POLR2C: variants seen among roughly 807,000 people sequenced by gnomAD.
The protein encoded by POLR2C is DNA-directed RNA polymerase II subunit RPB3.
Under a neutral mutation model 41.7 loss-of-function variants are expected in POLR2C, and 36 were observed. The observed-to-expected ratio is 0.86, with a 90% CI of 0.66 to 1.14. POLR2C has a LOEUF of 1.14. Among genes scored for constraint, POLR2C ranks in the 50% most tolerant of loss-of-function variants. POLR2C has a pLI of 0.00. For missense variants in POLR2C, 260 were observed against 350.4 expected, an observed-to-expected ratio of 0.74 and a Z score of 2.06; for synonymous variants, 133 against 137.8, an observed-to-expected ratio of 0.96 and a Z score of 0.25.
rs1191701586 is a variant in POLR2C at position 57,470,312 on chromosome 16, A to G, written c.641A>G (p.Asp214Gly). The G allele has an allele frequency of 1.9e-6, 3 of 1,612,820 alleles. No homozygotes were observed. Among genetic ancestry groups the G allele is most frequent in the Non-Finnish European group, 8.5e-7 (1 of 1,179,422 alleles). Residue 214 changes from aspartate to glycine, a missense_variant, in exon 8 of 9, where the codon GAT becomes GGT. Transcript: ENST00000219252. ...AGTGAGTACTCGGAGCTGGATGAGG[A>G]TGAGTCGCAGGCTCCCTATGACCCC... ...PKSEYSELDEDESQAPYDPNG... is the reference protein window; with the variant it reads ...PKSEYSELDEGESQAPYDPNG...
chr16:57,470,281 C>A lies in POLR2C; in HGVS notation c.610C>A (p.Pro204Thr). ...GTGCTGACCTGTGTTTGACCTCAGG[C>A]CAAAGAGTGAGTACTCGGAGCTGGA... The part of the protein sequence containing the change: ...HTVYPKPEEW[P>T]KSEYSELDED... Residue 204 changes from proline to threonine, a missense_variant and splice_region_variant, in exon 8 of 9, where the codon CCA (proline) becomes ACA (threonine). Pro to Thr is a conservative substitution (Grantham distance 38, BLOSUM62 -1). Coordinates refer to ENST00000219252, the MANE Select transcript of POLR2C (RefSeq NM_032940.3). 1 of 1,613,064 alleles carries A rather than the reference C, an allele frequency of 6.2e-7. No homozygotes were observed. Among genetic ancestry groups the A allele is most frequent in the Non-Finnish European group, 8.5e-7 (1 of 1,179,350 alleles).
chr16:57,469,405 C>T lies in POLR2C; in HGVS notation c.387+112C>T, dbSNP rs2030776131. On this transcript the variant is annotated intron_variant, in intron 5 of 8. Transcript: ENST00000219252. This position sits in a 1 kb window ranked among gnomAD's most constrained non-coding sequence, Gnocchi z 5.8. The stretch of plus-strand genomic sequence containing the variant: ...AGAAAATGTTGGCTTTCCCTGTTAC[C>T]CTCTGCCTTAATCTGATCCCTAGAA... 1 of 1,202,362 alleles carries T rather than the reference C, an allele frequency of 8.3e-7. No individual in the cohort carries two copies. Among genetic ancestry groups the T allele is most frequent in the African/African-American group, 1.5e-5 (1 of 66,328 alleles). 74.5% of individuals were successfully genotyped at this position (1,202,362 alleles called of 1,614,324 possible). A position where few individuals can be genotyped will look rare whatever the true frequency, so the allele number is the denominator to read the frequency against.
Position 57,462,744 on chromosome 16 carries a change from C to T in POLR2C, c.20C>T (p.Pro7Leu). ...GGCGAGATGCCGTACGCCAACCAGC[C>T]TACCGTGCGGATCACGGAGCTCACT... The part of the protein sequence containing the change: MPYANQ[P>L]TVRITELTDE... The change falls in exon 1 of 9, where the codon CCT (proline) becomes CTT (leucine). Residue 7 changes from proline to leucine, a missense_variant. Coordinates refer to ENST00000219252, the MANE Select transcript of POLR2C (RefSeq NM_032940.3). The T allele has an allele frequency of 1.9e-6, 3 of 1,605,738 alleles. No homozygotes were observed. Among genetic ancestry groups the T allele is most frequent in the Non-Finnish European group, 2.6e-6 (3 of 1,176,164 alleles).
intron 1 of POLR2C, 55 bp from the exon 2 acceptor site, chr16:57,462,974 G>A (rs2030612098): frequency 2.0e-6 from 3 of 1,527,500 alleles, no homozygotes; most frequent in Non-Finnish European, 2.7e-6. Flanking sequence ...TGCGGCGCGG[G>A]CCCAGCCTGT....
At chr16:57,467,494 TTTA>T (rs2146601704) in intron 4 of POLR2C, among the ~76,000 whole-genome samples, 1 of 152,348 alleles carries the variant, frequency 6.6e-6, no homozygotes, top group East Asian at 1.9e-4. Flanking sequence ...TTTTCTAGTA[TTTA>T]TTGCACAAAG....
chr16:57,469,759 A>G lies in POLR2C; in HGVS notation c.437A>G (p.Asp146Gly). 1 of 1,613,690 alleles carries G rather than the reference A, an allele frequency of 6.2e-7. No homozygotes were observed. The highest frequency in any genetic ancestry group is 8.5e-7 in the Non-Finnish European group (1 of 1,179,634). Reference protein sequence around the residue: ...DNDPNDYVEQDDILIVKLRKG... With the variant: ...DNDPNDYVEQGDILIVKLRKG... ...GACCCCAATGACTACGTGGAGCAGG[A>G]TGGTAAGTCTTCCTGACCTGTCACC... Residue 146 changes from aspartate to glycine, a missense_variant and splice_region_variant, in exon 6 of 9, where the codon GAT becomes GGT. Asp to Gly is a moderately conservative substitution (Grantham distance 94). Transcript: ENST00000219252. The surrounding 1 kb of genome is among the most constrained non-coding windows in gnomAD (Gnocchi z 5.8).
intron 2 of POLR2C, among the ~76,000 whole-genome samples, chr16:57,464,256 CATG>C (rs1305773275): frequency 5.9e-5 from 9 of 152,166 alleles, no homozygotes; most frequent in Non-Finnish European, 1.0e-4. Context: ...AAGTGGCAGG[CATG>C]GTGGTAAGCT....
intron 2 of POLR2C, 57 bp downstream of exon 2, chr16:57,463,135 C>G (rs767831658): frequency 7.4e-7 from 1 of 1,343,020 alleles, no homozygotes; most frequent in East Asian, 2.3e-5. Flanking sequence ...CGCTCTCCAC[C>G]CACACACTCT....
At chr16:57,465,778 G>GGT (rs1567583372) in intron 2 of POLR2C, 175 bp from the exon 3 acceptor site, 2 of 596,480 alleles carry the variant, frequency 3.4e-6, no homozygotes, top group East Asian at 2.8e-5. Flanking sequence ...GGTGAGGTGT[G>GGT]GTGTGTGTGG....
intron 2 of POLR2C, chr16:57,463,391 A>G: frequency 2.0e-6 from 1 of 495,734 alleles, no homozygotes; most frequent in Non-Finnish European, 3.7e-6. Flanking sequence ...AATGTTTTCA[A>G]CTTTTATTTT....
intron 7 of POLR2C, 22 bp downstream of exon 7, chr16:57,470,151 T>C: frequency 6.2e-7 from 1 of 1,606,158 alleles, no homozygotes; most frequent in Non-Finnish European, 8.5e-7. Context: ...TTAGGAGTGA[T>C]GGCAGGCATT....
intron 1 of POLR2C, 66 bp from the exon 2 acceptor site, chr16:57,462,963 C>A: frequency 6.8e-7 from 1 of 1,478,310 alleles, no homozygotes; most frequent in Non-Finnish European, 9.4e-7. Flanking sequence ...CTTTGGGAGC[C>A]TGCGGCGCGG....
At chr16:57,467,524 C>G (rs952762246) in intron 4 of POLR2C, among the ~76,000 whole-genome samples, 1 of 149,706 alleles carries the variant, frequency 6.7e-6, no homozygotes, top group African/African-American at 2.4e-5. Context: ...TGGTCTGTCT[C>G]TCTCTCTCTC....
At position 57,469,817 on chromosome 16, in the gene POLR2C, A is replaced by G; in HGVS notation, c.439+56A>G. 6.4e-7 allele frequency: 1 copy of G among 1,574,514 alleles called. No homozygotes were observed. The highest frequency in any genetic ancestry group is 8.7e-7 in the Non-Finnish European group (1 of 1,145,034). ...CCAGCGGGAAGGAGGGACCAGACACAGCCTCTCGTGCTGCCTGGTCTCCTC... is the reference window on the plus strand; with the variant it reads ...CCAGCGGGAAGGAGGGACCAGACACGGCCTCTCGTGCTGCCTGGTCTCCTC... On this transcript the variant is annotated intron_variant, in intron 6 of 8. Transcript: ENST00000219252. The surrounding 1 kb of genome is among the most constrained non-coding windows in gnomAD (Gnocchi z 5.8).
chr16:57,463,695 G>T, intron 2 of POLR2C: 1 of 451,662 alleles, frequency 2.2e-6, no homozygotes, highest in Non-Finnish European at 4.4e-6. Flanking sequence ...TGTAATTCCA[G>T]CACTTTGGGA....
intron 1 of POLR2C, 94 bp downstream of exon 1, chr16:57,462,904 G>A: frequency 8.5e-7 from 1 of 1,174,692 alleles, no homozygotes; most frequent in Non-Finnish European, 1.2e-6. Context: ...AGTGGGGTGG[G>A]GTGGGGGCGA....
Position 57,469,187 on chromosome 16 carries a change from G to A in POLR2C, c.281G>A (p.Cys94Tyr). The A allele has an allele frequency of 6.2e-7, 1 of 1,614,114 alleles. No individual in the cohort carries two copies. The highest frequency in any genetic ancestry group is 8.5e-7 in the Non-Finnish European group (1 of 1,180,006). ...TAGGACTGCACATGTGAGGAGTTCT[G>A]CCCCGAGTGCTCGGTGGAGTTCACC... is the stretch of plus-strand genomic sequence containing the variant. ...YSRDCTCEEF[C>Y]PECSVEFTLD... is the part of the protein sequence containing the mutation. Residue 94 changes from cysteine to tyrosine, a missense_variant, in exon 5 of 9, where the codon TGC becomes TAC. By Grantham distance (194) the Cys-to-Tyr change is radical. Transcript: ENST00000219252. The surrounding 1 kb of genome is among the most constrained non-coding windows in gnomAD (Gnocchi z 5.8).
At chr16:57,463,651 CTT>C (rs1380326217) in intron 2 of POLR2C, 4 of 454,718 alleles carry the variant, frequency 8.8e-6, no homozygotes, top group Non-Finnish European at 8.8e-6. Context: ...TGTTAATTCT[CTT>C]AGGATAATGG....
rs778574106 is a variant in POLR2C, at chr16:57,469,173, A to G, written c.267A>G (p.Thr89=). The change falls in exon 5 of 9, where the codon ACA becomes ACG. Residue 89 remains threonine (T), a synonymous_variant. Transcript: ENST00000219252. The surrounding 1 kb of genome is among the most constrained non-coding windows in gnomAD (Gnocchi z 5.8). ...VDKLQYSRDC[T]CEEFCPECSV... is the part of the protein sequence containing the mutation. ...TTCCCTTCCTGCCTTAGGACTGCACATGTGAGGAGTTCTGCCCCGAGTGCT... is the reference window on the plus strand; with the variant it reads ...TTCCCTTCCTGCCTTAGGACTGCACGTGTGAGGAGTTCTGCCCCGAGTGCT... The G allele has an allele frequency of 4.3e-6, 7 of 1,613,938 alleles. No homozygotes were observed. The South Asian group carries it at 4.4e-5, about 10-fold the overall frequency.
Sources: allele counts gnomAD v4.1 joint callset (sites outside exome capture counted in the v4.1 genomes callset), GRCh38; gene constraint gnomAD v4.1.1; non-coding constraint Gnocchi (gnomAD v3.1); transcripts MANE v1.5; gene names NCBI Gene and HGNC (gene_info 2026-07-23, HGNC 2026-07-21).